DLG2: variants seen among roughly 807,000 people sequenced by gnomAD.
DLG2 encodes disks large homolog 2.
In DLG2, 45 loss-of-function variants were observed where a neutral mutation model predicts 132.5. That is an observed-to-expected ratio of 0.34 (90% confidence interval 0.27 to 0.44). The LOEUF (loss-of-function observed/expected upper bound fraction) is 0.44, where lower values mean the gene tolerates loss of function less well. Ranked by LOEUF, DLG2 falls within the 20% of genes least tolerant of loss-of-function variation. The pLI, the probability that DLG2 is intolerant of heterozygous loss-of-function variation, is 1.00. For synonymous variants in DLG2, 424 were observed against 419.6 expected (o/e 1.01, Z -0.13); for missense variants, 1,045 against 1,196.9 (o/e 0.87, Z 1.87).
Position 84,892,104 on chromosome 11 carries a change from T to C in DLG2, c.357+219557A>G, listed in dbSNP as rs140445901. 7.0e-4 allele frequency among the ~76,000 whole-genome samples: 106 copies of C among 152,306 alleles called. 1 individual carries two copies. The highest frequency in any genetic ancestry group is 2.4e-3 in the African/African-American group (99 of 41,572). The stretch of plus-strand genomic sequence containing the variant: ...AGTTATACTTGGGAATATAATTGCA[T>C]AGTACTGAGTATTATTTCATAGTCT... On this transcript the variant is annotated intron_variant, in intron 6 of 27. Coordinates refer to ENST00000376104, the MANE Select transcript of DLG2 (RefSeq NM_001142699.3).
chr11:83,651,930 C>A (rs1032135691), intron 18 of DLG2: 9 of 469,784 alleles, frequency 1.9e-5, no homozygotes, highest in African/African-American at 1.8e-4. Context: ...GATATCGGCA[C>A]CTTTGCAGAA....
At chr11:85,262,636 A>G (rs1204480291) in intron 4 of DLG2, among the ~76,000 whole-genome samples, 3 of 152,202 alleles carry the variant, frequency 2.0e-5, no homozygotes, top group African/African-American at 7.2e-5. Context: ...TTAGTTATAG[A>G]TGAGAAAAAG....
intron 6 of DLG2, among the ~76,000 whole-genome samples, chr11:84,711,695 C>G (rs534274599): frequency 6.6e-6 from 1 of 152,106 alleles, no homozygotes; most frequent in Non-Finnish European, 1.5e-5. Context: ...CTTACTCAGG[C>G]TTTTTGTTCT....
chr11:84,264,302 G>T (rs2097584403), intron 7 of DLG2, among the ~76,000 whole-genome samples: 1 of 152,166 alleles, frequency 6.6e-6, no homozygotes, highest in African/African-American at 2.4e-5. Context: ...CCCCACAGCT[G>T]TTCTAGCTTC....
intron 10 of DLG2, among the ~76,000 whole-genome samples, chr11:84,086,492 T>C (rs1405666116): frequency 6.0e-4 from 2 of 3,350 alleles, no homozygotes; most frequent in Non-Finnish European, 4.6e-3. Flanking sequence ...TCTTTCTTTC[T>C]TTTTTTTTTT....
chr11:85,423,272 G>A (rs2090460714), intron 3 of DLG2, among the ~76,000 whole-genome samples: 2 of 152,190 alleles, frequency 1.3e-5, no homozygotes, highest in Non-Finnish European at 2.9e-5. Context: ...CAGAGTCCTG[G>A]GATGTGAACT....
intron 19 of DLG2, among the ~76,000 whole-genome samples, chr11:83,581,618 T>G (rs1251136660): frequency 6.6e-6 from 1 of 152,164 alleles, no homozygotes; most frequent in Non-Finnish European, 1.5e-5. Context: ...CAGAGGAACT[T>G]TTTGTTTTTC....
chr11:83,772,722 T>C (rs1213264590), intron 18 of DLG2, among the ~76,000 whole-genome samples: 1 of 152,200 alleles, frequency 6.6e-6, no homozygotes, highest in Non-Finnish European at 1.5e-5. Flanking sequence ...GAAATCACAA[T>C]GTTTCATTCC....
rs1183459468 is a variant in DLG2, at chr11:84,934,546, T to TTTG, written c.357+177114_357+177115insCAA. On this transcript the variant is annotated intron_variant, in intron 6 of 27. Coordinates refer to ENST00000376104, the MANE Select transcript of DLG2 (RefSeq NM_001142699.3). ...TTTTGTTTTTTTTTTTTTTTTTTTT[T>TTTG]GGTGGGTAGGCTATTTATTACTGTC... Among the ~76,000 whole-genome samples the TTTG allele has an allele frequency of 6.0e-4, 77 of 128,720 alleles. 4 individuals carry two copies. The highest frequency in any genetic ancestry group is 1.3e-3 in the East Asian group (5 of 3,732). 84.4% of individuals were successfully genotyped at this position (128,720 alleles called of 152,430 possible). A position where few individuals can be genotyped will look rare whatever the true frequency, so the allele number is the denominator to read the frequency against.
rs980750265 is a variant in DLG2, at chr11:84,257,573, C to T, written c.520-6282G>A. Among the ~76,000 whole-genome samples, 5 of 151,804 alleles carry T rather than the reference C, an allele frequency of 3.3e-5. 1 individual carries two copies. The Middle Eastern group carries it at 9.6e-3, about 292-fold the overall frequency. On this transcript the variant is annotated intron_variant, in intron 7 of 27. Coordinates refer to ENST00000376104, the MANE Select transcript of DLG2 (RefSeq NM_001142699.3). ...AGGTTAAATAACTTTCTCAAAGTCA[C>T]ACAGCTGGTAAATAGCTGGTAAATC...
chr11:84,138,367 A>G (rs2094692549), intron 9 of DLG2, among the ~76,000 whole-genome samples: 1 of 152,212 alleles, frequency 6.6e-6, no homozygotes, highest in Non-Finnish European at 1.5e-5. Flanking sequence ...AGTATGCTGC[A>G]TTTCAACTGC....
intron 4 of DLG2, among the ~76,000 whole-genome samples, chr11:85,258,555 T>C (rs181330699): frequency 1.3e-5 from 2 of 152,322 alleles, no homozygotes; most frequent in East Asian, 3.9e-4. Flanking sequence ...CTTTACTGAA[T>C]TGACTTTTAT....
chr11:85,285,300 C>T lies in DLG2; in HGVS notation c.106G>A (p.Glu36Lys). ...CATTTCTGTAAAACTTGATTGGCTT[C>T]TTCTATCTTCTGCTCACAACTTTTT... Reference protein sequence around the residue: ...SQKSCEQKIEEANQVLQKWEK... With the variant: ...SQKSCEQKIEKANQVLQKWEK... The change falls in exon 4 of 28, where the codon GAA (glutamate) becomes AAA (lysine). Residue 36 changes from glutamate to lysine, a missense_variant. Physicochemically the swap from Glu to Lys is moderately conservative, Grantham distance 56 (BLOSUM62 1). This residue lies in a region of DLG2 where 277 missense variants were observed against 238.2 expected (regional missense o/e 1.16). Coordinates refer to ENST00000376104, the MANE Select transcript of DLG2 (RefSeq NM_001142699.3). The T allele has an allele frequency of 6.2e-7, 1 of 1,612,052 alleles. No homozygotes were observed. Among genetic ancestry groups the T allele is most frequent in the Non-Finnish European group, 8.5e-7 (1 of 1,178,670 alleles).
intron 7 of DLG2, among the ~76,000 whole-genome samples, chr11:84,475,859 G>T (rs2099120230): frequency 6.6e-6 from 1 of 152,112 alleles, no homozygotes; most frequent in African/African-American, 2.4e-5. Context: ...CAAGCTGTGT[G>T]CTGTGGCATG....
chr11:84,889,758 G>A (rs2089008364), intron 6 of DLG2, among the ~76,000 whole-genome samples: 1 of 152,162 alleles, frequency 6.6e-6, no homozygotes, highest in Non-Finnish European at 1.5e-5. Context: ...CCATCATGCT[G>A]AGGGTTAGTT....
intron 6 of DLG2, among the ~76,000 whole-genome samples, chr11:84,938,127 T>G (rs1003833818): frequency 6.6e-6 from 1 of 152,202 alleles, no homozygotes; most frequent in Non-Finnish European, 1.5e-5. Context: ...TCACTGGAGC[T>G]CAGAGAAATT....
At chr11:83,793,958 T>C (rs1011680422) in intron 17 of DLG2, among the ~76,000 whole-genome samples, 6 of 152,216 alleles carry the variant, frequency 3.9e-5, no homozygotes, top group Non-Finnish European at 7.3e-5. Flanking sequence ...CTAGCACTTA[T>C]ACATTAGAGA....
chr11:84,541,857 C>T (rs76324349), intron 6 of DLG2, among the ~76,000 whole-genome samples: 2,978 of 152,226 alleles, frequency 0.02, 92 homozygotes, highest in African/African-American at 0.067. Flanking sequence ...CCAGGCTCTG[C>T]TCAGTACATT....
In DLG2 at chr11:83,715,350, T is replaced by C. The variant is rs7925313; in HGVS notation, c.1825+71340A>G. Reference sequence around the variant, plus strand: ...TGATGTATCATTCTATCATTCACCATTATCTTTATCAACAGAATCTAAAAG... The same window carrying C: ...TGATGTATCATTCTATCATTCACCACTATCTTTATCAACAGAATCTAAAAG... On this transcript the variant is annotated intron_variant, in intron 18 of 27. Transcript: ENST00000376104. Among the ~76,000 whole-genome samples the C allele has an allele frequency of 6.3e-3, 959 of 152,274 alleles. 7 individuals are homozygous for C. The highest frequency in any genetic ancestry group is 0.022 in the African/African-American group (908 of 41,556).
Sources: allele counts gnomAD v4.1 joint callset (sites outside exome capture counted in the v4.1 genomes callset), GRCh38; gene constraint gnomAD v4.1.1; regional missense constraint gnomAD v4.1.1; transcripts MANE v1.5; gene names NCBI Gene and HGNC (gene_info 2026-07-23, HGNC 2026-07-21).